TICAM1: variants seen among roughly 807,000 people sequenced by gnomAD.
The protein encoded by TICAM1 is TIR domain-containing adapter molecule 1.
For synonymous variants in TICAM1, 439 were observed against 415.4 expected, an observed-to-expected ratio of 1.06 and a Z score of -0.69; for missense variants, 895 against 938.2, an observed-to-expected ratio of 0.95 and a Z score of 0.60.
At chr19:4,820,343 C>A (rs1437068668) in intron 1 of TICAM1, among the ~76,000 whole-genome samples, 5 of 151,174 alleles carry the variant, frequency 3.3e-5, no homozygotes, top group Non-Finnish European at 5.9e-5. Flanking sequence ...TCGCTTGAAC[C>A]TGGGAGGCGG....
rs919297118 is a variant in TICAM1, at chr19:4,818,938, C to T, written c.-139-422G>A. ...CAGCCTGGCCAACATGGTGAAACCC[C>T]GTTTCTACTAAAAATACAAAGAATT... On this transcript the variant is annotated intron_variant, in intron 1 of 1. Coordinates refer to ENST00000248244, the MANE Select transcript of TICAM1 (RefSeq NM_182919.4). This position sits in a 1 kb window ranked among gnomAD's most constrained non-coding sequence, Gnocchi z 4.0. 1.3e-5 allele frequency among the ~76,000 whole-genome samples: 2 copies of T among 151,994 alleles called. No individual in the cohort carries two copies. Among genetic ancestry groups the T allele is most frequent in the Non-Finnish European group, 2.9e-5 (2 of 67,992 alleles).
At chr19:4,831,220 A>G (rs1440974951) in intron 1 of TICAM1, among the ~76,000 whole-genome samples, 1 of 149,290 alleles carries the variant, frequency 6.7e-6, no homozygotes, top group Non-Finnish European at 1.5e-5. Context: ...TGAGAGAAAT[A>G]TGGGGTGTGA....
Position 4,816,106 on chromosome 19 carries a change from A to G in TICAM1, c.*133T>C. On this transcript the variant is annotated 3_prime_UTR_variant, in exon 2 of 2. Transcript: ENST00000248244. The surrounding 1 kb of genome is among the most constrained non-coding windows in gnomAD (Gnocchi z 4.3). ...GTCCTAAATGAAGGGCTCCCGGACA[A>G]TGTCCTGAAAGTGGCAGATGACCTC... 1.5e-6 allele frequency: 2 copies of G among 1,296,394 alleles called. No individual in the cohort carries two copies. The highest frequency in any genetic ancestry group is 5.6e-5 in the South Asian group (2 of 35,628). The allele number at this position is 1,296,394 out of a possible 1,614,324, so 80.3% of individuals were successfully genotyped here.
chr19:4,827,916 T>C (rs912436608), intron 1 of TICAM1, among the ~76,000 whole-genome samples: 1 of 152,020 alleles, frequency 6.6e-6, no homozygotes, highest in Admixed American at 6.6e-5. Flanking sequence ...CCTCCCGGTG[T>C]TTCCTGGGAA....
intron 1 of TICAM1, among the ~76,000 whole-genome samples, chr19:4,819,203 G>A (rs1029119344): frequency 6.6e-6 from 1 of 151,668 alleles, no homozygotes; most frequent in Non-Finnish European, 1.5e-5. Flanking sequence ...AAGCCCAGGA[G>A]GTTGAGGCTG....
intron 1 of TICAM1, among the ~76,000 whole-genome samples, chr19:4,827,475 G>A (rs2093607496): frequency 7.0e-6 from 1 of 143,462 alleles, no homozygotes; most frequent in Non-Finnish European, 1.5e-5. Context: ...ATGAAAATGG[G>A]CTGGGCGCGG....
Position 4,818,097 on chromosome 19 carries a change from C to A in TICAM1, c.281G>T (p.Trp94Leu). Residue 94 changes from tryptophan to leucine, a missense_variant, in exon 2 of 2, where the codon TGG becomes TTG. Physicochemically the swap from Trp to Leu is moderately conservative, Grantham distance 61. Coordinates refer to ENST00000248244, the MANE Select transcript of TICAM1 (RefSeq NM_182919.4). This position sits in a 1 kb window ranked among gnomAD's most constrained non-coding sequence, Gnocchi z 4.0. ...EDPEEPPDVS[W>L]AVARLYHLLA... ...CAGGTGGTACAAGCGGGCCACAGCC[C>A]AGGACACATCTGGGGGCTCCTCTGG... is the stretch of plus-strand genomic sequence containing the variant. The A allele has an allele frequency of 1.2e-6, 2 of 1,607,854 alleles. No homozygotes were observed. Among genetic ancestry groups the A allele is most frequent in the South Asian group, 1.1e-5 (1 of 91,088 alleles).
chr19:4,822,251 G>A (rs890090955), intron 1 of TICAM1, among the ~76,000 whole-genome samples: 1 of 149,488 alleles, frequency 6.7e-6, no homozygotes, highest in Non-Finnish European at 1.5e-5. Flanking sequence ...TTTTAGTTTT[G>A]TCTTGTTTTG....
chr19:4,820,558 T>G (rs1230486720), intron 1 of TICAM1, among the ~76,000 whole-genome samples: 1 of 150,334 alleles, frequency 6.7e-6, no homozygotes, highest in Non-Finnish European at 1.5e-5. Flanking sequence ...TAGCATTCAT[T>G]CATTCATTTA....
chr19:4,829,905 G>T (rs568962725), intron 1 of TICAM1, among the ~76,000 whole-genome samples: 1 of 149,300 alleles, frequency 6.7e-6, no homozygotes, highest in East Asian at 2.0e-4. Context: ...CCGCCTCTTG[G>T]GTTCAAGTGA....
At position 4,818,310 on chromosome 19, in the gene TICAM1, A is replaced by G; in HGVS notation, c.68T>C (p.Leu23Pro). 6.2e-7 allele frequency: 1 copy of G among 1,612,666 alleles called. No homozygotes were observed. Among genetic ancestry groups the G allele is most frequent in the Non-Finnish European group, 8.5e-7 (1 of 1,179,946 alleles). Residue 23 changes from leucine (L) to proline (P), a missense_variant, in exon 2 of 2, where the codon CTC becomes CCC. Coordinates refer to ENST00000248244, the MANE Select transcript of TICAM1 (RefSeq NM_182919.4). The surrounding 1 kb of genome is among the most constrained non-coding windows in gnomAD (Gnocchi z 4.0). Reference protein sequence around the residue: ...DILGAAGQDKLLYLKHKLKTP... With the variant: ...DILGAAGQDKPLYLKHKLKTP... ...CTTCAGTTTGTGCTTCAGATACAAG[A>G]GCTTGTCCTGGCCTGCTGCACCTAG... is the stretch of plus-strand genomic sequence containing the variant.
rs571183516 is a variant in TICAM1, at chr19:4,816,237, G to A, written c.*2C>T. 30 of 1,506,054 alleles carry A rather than the reference G, an allele frequency of 2.0e-5. No homozygotes were observed. The highest frequency in any genetic ancestry group is 8.1e-5 in the South Asian group (6 of 74,350). The allele number at this position is 1,506,054 out of a possible 1,614,324, so 93.3% of individuals were successfully genotyped here. A position where few individuals can be genotyped will look rare whatever the true frequency, so the allele number is the denominator to read the frequency against. ...CCCAGGTGGTCAGGCAAGGACACGC[G>A]GTCATTCTGCCTCCTGCGTCTTGTC... On this transcript the variant is annotated 3_prime_UTR_variant, in exon 2 of 2. Transcript: ENST00000248244. The surrounding 1 kb of genome is among the most constrained non-coding windows in gnomAD (Gnocchi z 4.3).
At position 4,827,372 on chromosome 19, in the gene TICAM1, C is replaced by CAA. The variant is rs57574607; in HGVS notation, c.-140+4240_-140+4241dup. 3.2e-3 allele frequency among the ~76,000 whole-genome samples: 172 copies of CAA among 54,140 alleles called. 3 individuals carry two copies. The highest frequency in any genetic ancestry group is 4.2e-3 in the Non-Finnish European group (128 of 30,524). 35.5% of individuals were successfully genotyped at this position (54,140 alleles called of 152,430 possible). On this transcript the variant is annotated intron_variant, in intron 1 of 1. Transcript: ENST00000248244. ...GGCTACAAGAGTGAAACTCTGTCTCCAAAAAAAAAAAAAAAAAAAAAAAAA... is the reference window on the plus strand; with the variant it reads ...GGCTACAAGAGTGAAACTCTGTCTCCAAAAAAAAAAAAAAAAAAAAAAAAAAA...
intron 1 of TICAM1, among the ~76,000 whole-genome samples, chr19:4,826,198 C>G (rs1404485606): frequency 6.6e-6 from 1 of 151,586 alleles, no homozygotes; most frequent in Admixed American, 6.6e-5. Flanking sequence ...GAAGATGCCT[C>G]ATTCGTAATG....
At position 4,817,247 on chromosome 19, in the gene TICAM1, G is replaced by T; in HGVS notation, c.1131C>A (p.Thr377=). 2 of 1,613,474 alleles carry T rather than the reference G, an allele frequency of 1.2e-6. No homozygotes were observed. The highest frequency in any genetic ancestry group is 1.7e-6 in the Non-Finnish European group (2 of 1,179,774). ...PSSTPCSAHL[T]PSSLFPSSLE... ...GGGAGGAAGGGAACAGGGAGGAGGG[G>T]GTCAGGTGAGCTGAACAAGGAGTAG... Residue 377 remains threonine (T), a synonymous_variant, in exon 2 of 2, where the codon ACC becomes ACA. Transcript: ENST00000248244. This position sits in a 1 kb window ranked among gnomAD's most constrained non-coding sequence, Gnocchi z 4.7.
Position 4,817,645 on chromosome 19 carries a change from CG to C in TICAM1, c.732del (p.Gly245ValfsTer9). 2.5e-6 allele frequency: 4 copies of C among 1,583,652 alleles called. No individual in the cohort carries two copies. Among genetic ancestry groups the C allele is most frequent in the Non-Finnish European group, 1.7e-6 (2 of 1,164,960 alleles). On this transcript the variant is annotated frameshift_variant, in exon 2 of 2. Transcript: ENST00000248244. LOFTEE classifies it low-confidence loss of function (END_TRUNC). This position sits in a 1 kb window ranked among gnomAD's most constrained non-coding sequence, Gnocchi z 4.7. ...PQASLVPEPVPGGCQEPEEMS... is the reference protein window; with the variant it reads ...PQASLVPEPVXGGCQEPEEMS... The stretch of plus-strand genomic sequence containing the variant: ...ATCTCCTCAGGCTCCTGGCAGCCAC[CG>C]GGGACAGGCTCGGGCACCAAGCTGG...
Position 4,816,999 on chromosome 19 carries a change from A to C in TICAM1, c.1379T>G (p.Phe460Cys). ...AFIILLLTSN[F>C]DCRLSLHQVN... ...CTGGTGCAGGCTCAGGCGACAGTCGAAGTTGGAGGTGAGAAGTAGGATGAT... is the reference window on the plus strand; with the variant it reads ...CTGGTGCAGGCTCAGGCGACAGTCGCAGTTGGAGGTGAGAAGTAGGATGAT... The change falls in exon 2 of 2, where the codon TTC becomes TGC. Residue 460 changes from phenylalanine (F) to cysteine (C), a missense_variant. Coordinates refer to ENST00000248244, the MANE Select transcript of TICAM1 (RefSeq NM_182919.4). The surrounding 1 kb of genome is among the most constrained non-coding windows in gnomAD (Gnocchi z 4.3). 2 of 1,613,972 alleles carry C rather than the reference A, an allele frequency of 1.2e-6. No homozygotes were observed. Among genetic ancestry groups the C allele is most frequent in the Non-Finnish European group, 1.7e-6 (2 of 1,179,978 alleles).
At chr19:4,824,032 G>A (rs1285659572) in intron 1 of TICAM1, among the ~76,000 whole-genome samples, 1 of 150,618 alleles carries the variant, frequency 6.6e-6, no homozygotes, top group African/African-American at 2.4e-5. Flanking sequence ...TTTTTAGGAT[G>A]AAGTCTTGCT....
intron 1 of TICAM1, among the ~76,000 whole-genome samples, chr19:4,826,306 T>C (rs1349623825): frequency 1.7e-5 from 1 of 57,980 alleles, no homozygotes; most frequent in Non-Finnish European, 3.8e-5. Context: ...TATTAGGAGA[T>C]ATATATATAT....
Sources: allele counts gnomAD v4.1 joint callset (sites outside exome capture counted in the v4.1 genomes callset), GRCh38; gene constraint gnomAD v4.1.1; non-coding constraint Gnocchi (gnomAD v3.1); transcripts MANE v1.5; gene names NCBI Gene and HGNC (gene_info 2026-07-23, HGNC 2026-07-21).